The following NYAP2 variants were observed in gnomAD, a reference collection of about 807,000 sequenced individuals.
The protein encoded by NYAP2 is neuronal tyrosine-phosphorylated phosphoinositide-3-kinase adapter 2.
NYAP2 carries 23 observed loss-of-function variants against 50.4 expected under a neutral mutation model. The ratio of observed to expected loss-of-function variants is 0.46; its 90% CI spans 0.33 to 0.65. The LOEUF is 0.65. NYAP2 is among the 30% of genes least tolerant of loss of function. The probability of loss-of-function intolerance (pLI) is 0.02; values close to 1 mark genes in which losing one functional copy is unlikely to be tolerated. For synonymous variants in NYAP2, 394 were observed against 365.2 expected, an observed-to-expected ratio of 1.08 and a Z score of -0.90; for missense variants, 885 against 861.0, an observed-to-expected ratio of 1.03 and a Z score of -0.35.
intron 3 of NYAP2, among the ~76,000 whole-genome samples, chr2:225,478,401 T>A (rs1368624763): frequency 3.3e-5 from 5 of 152,232 alleles, no homozygotes; most frequent in Non-Finnish European, 7.3e-5. Context: ...TGTTTATGAA[T>A]TCATTTTTCC....
At chr2:225,673,875 C>T in the NYAP2 span, among the ~76,000 whole-genome samples, 4 of 152,246 alleles carry the variant, frequency 2.6e-5, no homozygotes, top group Admixed American at 1.3e-4. Context: ...CGTCTACAGT[C>T]CTGTGTGTAC....
At chr2:225,412,396 G>A (rs1695061041) in intron 3 of NYAP2, among the ~76,000 whole-genome samples, 1 of 150,668 alleles carries the variant, frequency 6.6e-6, no homozygotes, top group East Asian at 2.0e-4. Context: ...AAAAATTACT[G>A]TTAGAGTGTC....
downstream of NYAP2, among the ~76,000 whole-genome samples, chr2:225,657,236 T>G (rs545738872): frequency 1.3e-5 from 2 of 151,658 alleles, no homozygotes; most frequent in East Asian, 3.9e-4. Flanking sequence ...CAGACTCCTG[T>G]GTAGCAGAGA....
intron 3 of NYAP2, among the ~76,000 whole-genome samples, chr2:225,429,035 T>C (rs1695326464): frequency 6.6e-6 from 1 of 152,210 alleles, no homozygotes; most frequent in African/African-American, 2.4e-5. Context: ...TTATTTAAGC[T>C]GAGTCTTAGA....
chr2:225,636,353 T>C (rs1693414468), intron 6 of NYAP2, among the ~76,000 whole-genome samples: 1 of 152,172 alleles, frequency 6.6e-6, no homozygotes, highest in Non-Finnish European at 1.5e-5. Flanking sequence ...TCTACATAAT[T>C]TCTAAGCTGT....
chr2:225,612,822 A>ACATCACACCCAATGTGTGTGATGG, intron 5 of NYAP2, among the ~76,000 whole-genome samples: 4 of 151,800 alleles, frequency 2.6e-5, no homozygotes, highest in Admixed American at 1.3e-4. Flanking sequence ...GTGTGTGATG[A>ACATCACACCCAATGTGTGTGATGG]CATCACACCC....
At chr2:225,446,587 A>C (rs528224033) in intron 3 of NYAP2, among the ~76,000 whole-genome samples, 1 of 152,286 alleles carries the variant, frequency 6.6e-6, no homozygotes, top group South Asian at 2.1e-4. Context: ...GTGTTAACTG[A>C]ACACAGGCTA....
chr2:225,448,576 A>G (rs1395931021), intron 3 of NYAP2, among the ~76,000 whole-genome samples: 1 of 152,234 alleles, frequency 6.6e-6, no homozygotes, highest in Non-Finnish European at 1.5e-5. Flanking sequence ...ATTGGTTTCT[A>G]TAACTAACTT....
At chr2:225,588,645 A>G (rs1692433480) in intron 5 of NYAP2, among the ~76,000 whole-genome samples, 2 of 152,246 alleles carry the variant, frequency 1.3e-5, no homozygotes, top group Non-Finnish European at 2.9e-5. Context: ...ATTTTTAAAT[A>G]TATTTCTACT....
At chr2:225,571,817 G>T (rs946408793) in intron 4 of NYAP2, among the ~76,000 whole-genome samples, 7 of 152,202 alleles carry the variant, frequency 4.6e-5, no homozygotes, top group Non-Finnish European at 8.8e-5. Flanking sequence ...CAACAGGCTT[G>T]AATTTCTCCA....
At chr2:225,447,323 GT>G (rs926548696) in intron 3 of NYAP2, among the ~76,000 whole-genome samples, 1 of 151,772 alleles carries the variant, frequency 6.6e-6, no homozygotes, top group African/African-American at 2.4e-5. Context: ...ATACATAGAG[GT>G]TTTTGTTTGT....
intron 3 of NYAP2, among the ~76,000 whole-genome samples, chr2:225,423,186 G>A (rs189762181): frequency 1.3e-5 from 2 of 152,284 alleles, no homozygotes; most frequent in Admixed American, 6.5e-5. Flanking sequence ...TTATATGATT[G>A]CATTAAAGAA....
At chr2:225,645,624 A>T (rs1355754057) in intron 6 of NYAP2, among the ~76,000 whole-genome samples, 1 of 152,194 alleles carries the variant, frequency 6.6e-6, no homozygotes, top group Non-Finnish European at 1.5e-5. Context: ...TCAAAGGAAG[A>T]AATATTTCCT....
intron 3 of NYAP2, among the ~76,000 whole-genome samples, chr2:225,490,696 G>A (rs1006978040): frequency 1.3e-5 from 2 of 152,162 alleles, no homozygotes; most frequent in African/African-American, 2.4e-5. Flanking sequence ...ACTCAGAGAG[G>A]AACCTGACAG....
At chr2:225,501,969 T>G (rs1252418146) in intron 3 of NYAP2, among the ~76,000 whole-genome samples, 1 of 151,710 alleles carries the variant, frequency 6.6e-6, no homozygotes, top group African/African-American at 2.4e-5. Flanking sequence ...GGCAGGAACA[T>G]GTTCCATTAG....
chr2:225,632,339 T>G (rs1693334353), intron 6 of NYAP2, among the ~76,000 whole-genome samples: 1 of 152,154 alleles, frequency 6.6e-6, no homozygotes, highest in East Asian at 1.9e-4. Context: ...GGAAAGAAGA[T>G]TCTACTTATA....
chr2:225,596,575 G>A (rs988722064), intron 5 of NYAP2, among the ~76,000 whole-genome samples: 3 of 151,992 alleles, frequency 2.0e-5, no homozygotes, highest in Admixed American at 1.3e-4. Flanking sequence ...TGCATAATCA[G>A]TTTATATTTG....
intron 5 of NYAP2, among the ~76,000 whole-genome samples, chr2:225,611,865 G>A (rs1692890921): frequency 1.4e-5 from 2 of 145,066 alleles, no homozygotes; most frequent in South Asian, 4.2e-4. Context: ...TATATAGAGA[G>A]AGATATATAT....
chr2:225,693,589 A>C, the NYAP2 span, among the ~76,000 whole-genome samples: 1 of 152,058 alleles, frequency 6.6e-6, no homozygotes, highest in Non-Finnish European at 1.5e-5. Context: ...GACCAGGGTG[A>C]CAGCATGGTT....
Sources: allele counts gnomAD v4.1 joint callset (sites outside exome capture counted in the v4.1 genomes callset), GRCh38; gene constraint gnomAD v4.1.1; transcripts MANE v1.5; gene names NCBI Gene and HGNC (gene_info 2026-07-23, HGNC 2026-07-21).